GPR107: variants seen among roughly 807,000 people sequenced by gnomAD.
GPR107 encodes G protein-coupled receptor 107.
A neutral mutation model predicts 75.5 loss-of-function variants in GPR107; 31 were observed. The ratio of observed to expected loss-of-function variants is 0.41; its 90% confidence interval spans 0.31 to 0.55. The LOEUF is 0.55. Among genes scored for constraint, GPR107 ranks in the 20% least tolerant of loss-of-function variants. The pLI is 0.26. For synonymous variants in GPR107, 267 were observed against 251.3 expected (o/e 1.06, Z -0.59); for missense variants, 572 against 665.7 (o/e 0.86, Z 1.55).
chr9:130,059,999 C>T (rs574908303), intron 1 of GPR107, among the ~76,000 whole-genome samples: 20 of 151,694 alleles, frequency 1.3e-4, no homozygotes, highest in Non-Finnish European at 2.6e-4. Context: ...CTTGGCCTCC[C>T]AAAGTGATAG....
chr9:130,062,420 G>GATAATGATAATAATA (rs1829947407), intron 1 of GPR107, among the ~76,000 whole-genome samples: 1 of 139,874 alleles, frequency 7.1e-6, no homozygotes, highest in Non-Finnish European at 1.5e-5. Flanking sequence ...TCTCGAAAAT[G>GATAATGATAATAATA]ATAATAATAA....
chr9:130,110,437 G>T, intron 14 of GPR107: 1 of 1,388,362 alleles, frequency 7.2e-7, no homozygotes, highest in South Asian at 1.2e-5. Flanking sequence ...GTAAACCAGG[G>T]TTCACATTCC....
rs1830267396 is a variant in GPR107 at position 130,073,680 on chromosome 9, A to G, written c.142-1956A>G. 2.0e-5 allele frequency among the ~76,000 whole-genome samples: 3 copies of G among 152,232 alleles called. No homozygotes were observed. The South Asian group carries it at 6.2e-4, about 32-fold the overall frequency. On this transcript the variant is annotated intron_variant, in intron 1 of 17. Coordinates refer to ENST00000347136, the MANE Select transcript of GPR107 (RefSeq NM_020960.5). Reference sequence around the variant, plus strand: ...GCTGAAACTCCATTGGGGAAAGAACAGGGAAGCCAGGGCTTCCCTGTGACG... The same window carrying G: ...GCTGAAACTCCATTGGGGAAAGAACGGGGAAGCCAGGGCTTCCCTGTGACG...
intron 6 of GPR107, among the ~76,000 whole-genome samples, chr9:130,086,109 T>TG: frequency 6.6e-6 from 1 of 152,172 alleles, no homozygotes; most frequent in Admixed American, 6.5e-5. Flanking sequence ...GGGCATGGCC[T>TG]GGGTCAGCAC....
intron 1 of GPR107, among the ~76,000 whole-genome samples, chr9:130,069,553 T>TA (rs1186561396): frequency 3.3e-5 from 5 of 152,212 alleles, no homozygotes; most frequent in African/African-American, 9.7e-5. Flanking sequence ...ATGACTTTTA[T>TA]AGTGAGGTAT....
intron 1 of GPR107, among the ~76,000 whole-genome samples, chr9:130,057,988 C>T (rs1305277917): frequency 6.6e-6 from 1 of 152,056 alleles, no homozygotes; most frequent in Non-Finnish European, 1.5e-5. Context: ...GCCACCACGC[C>T]TGGCTAATTT....
chr9:130,116,449 G>A (rs1004885740), intron 14 of GPR107, among the ~76,000 whole-genome samples: 13 of 152,252 alleles, frequency 8.5e-5, no homozygotes, highest in African/African-American at 2.9e-4. Context: ...GCATTGGGAA[G>A]TCTGACCTTC....
chr9:130,115,690 G>A (rs1013263634), intron 14 of GPR107, among the ~76,000 whole-genome samples: 16 of 8,204 alleles, frequency 2.0e-3, no homozygotes, highest in East Asian at 0.028. Flanking sequence ...GTGTGAAACC[G>A]GGAGACAGCT....
intron 17 of GPR107, among the ~76,000 whole-genome samples, chr9:130,131,560 C>T (rs1260764134): frequency 6.6e-6 from 1 of 152,088 alleles, no homozygotes; most frequent in Non-Finnish European, 1.5e-5. Context: ...CCCTGCTACC[C>T]CCTCACTGCC....
Position 130,083,571 on chromosome 9 carries a change from G to A in GPR107, c.533G>A (p.Gly178Glu). ...TAAATGTTCTTGCTTCTAGATGGTGGAAAGTCTAAAAGAAGTACAGTGGAT... is the reference window on the plus strand; with the variant it reads ...TAAATGTTCTTGCTTCTAGATGGTGAAAAGTCTAAAAGAAGTACAGTGGAT... ...GNQTQKTQDG[G>E]KSKRSTVDSK... Residue 178 changes from glycine (G) to glutamate (E), a missense_variant, in exon 6 of 18, where the codon GGA becomes GAA. By Grantham distance (98) the Gly-to-Glu change is moderately conservative. Transcript: ENST00000347136. 1 of 1,523,638 alleles carries A rather than the reference G, an allele frequency of 6.6e-7. No individual in the cohort carries two copies. The allele number at this position is 1,523,638 out of a possible 1,614,324, so 94.4% of individuals were successfully genotyped here.
intron 10 of GPR107, 38 bp downstream of exon 10, chr9:130,099,570 C>T (rs565411185): frequency 9.7e-6 from 11 of 1,138,438 alleles, no homozygotes; most frequent in East Asian, 2.3e-5. Flanking sequence ...CATGAAATTA[C>T]GTATAATGCC....
intron 1 of GPR107, among the ~76,000 whole-genome samples, chr9:130,065,328 T>C (rs1830042883): frequency 6.6e-6 from 1 of 151,818 alleles, no homozygotes; most frequent in Non-Finnish European, 1.5e-5. Flanking sequence ...CCCCAGCTTC[T>C]TGGGAGGCTG....
intron 9 of GPR107, among the ~76,000 whole-genome samples, chr9:130,094,434 G>A (rs1830814906): frequency 6.6e-6 from 1 of 151,764 alleles, no homozygotes; most frequent in South Asian, 2.1e-4. Flanking sequence ...AAATCCAGTT[G>A]TGGTGGTGCA....
chr9:130,129,063 C>T (rs1454605764), intron 17 of GPR107: 5 of 217,426 alleles, frequency 2.3e-5, no homozygotes, highest in Non-Finnish European at 2.7e-5. Flanking sequence ...GGCCAGTTCA[C>T]GAGGGAGAAC....
chr9:130,099,582 G>GCTCACACAGGCAT, intron 10 of GPR107, 50 bp downstream of exon 10: 1 of 1,002,424 alleles, frequency 1.0e-6, no homozygotes, highest in Non-Finnish European at 1.6e-6. Flanking sequence ...TATAATGCCT[G>GCTCACACAGGCAT]TGTGAGCAGG....
chr9:130,126,266 A>C (rs1466711052), intron 15 of GPR107, among the ~76,000 whole-genome samples: 1 of 151,796 alleles, frequency 6.6e-6, no homozygotes, highest in African/African-American at 2.4e-5. Context: ...TTAGGATCAT[A>C]ATTTCTTGGA....
At chr9:130,056,157 G>A (rs1391110094) in intron 1 of GPR107, among the ~76,000 whole-genome samples, 1 of 150,210 alleles carries the variant, frequency 6.7e-6, no homozygotes, top group Non-Finnish European at 1.5e-5. Context: ...ATGTAGAAAT[G>A]TAGACAAAAC....
intron 3 of GPR107, among the ~76,000 whole-genome samples, chr9:130,076,671 CGCCT>C (rs889793745): frequency 2.6e-5 from 4 of 152,196 alleles, no homozygotes; most frequent in Admixed American, 1.3e-4. Flanking sequence ...TGTGCCACCA[CGCCT>C]GCCTAATTTT....
chr9:130,063,411 C>A (rs1049765119), intron 1 of GPR107, among the ~76,000 whole-genome samples: 4 of 152,222 alleles, frequency 2.6e-5, no homozygotes, highest in African/African-American at 9.6e-5. Context: ...AGGATGGTCT[C>A]AATCTCCTGA....
Sources: allele counts gnomAD v4.1 joint callset (sites outside exome capture counted in the v4.1 genomes callset), GRCh38; gene constraint gnomAD v4.1.1; transcripts MANE v1.5; gene names NCBI Gene and HGNC (gene_info 2026-07-23, HGNC 2026-07-21).